ANKRD29: variants seen among roughly 807,000 people sequenced by gnomAD.
ANKRD29 encodes ankyrin repeat domain 29.
In ANKRD29, 32 loss-of-function variants were observed where a neutral mutation model predicts 38.0. The ratio of observed to expected loss-of-function variants is 0.84; its 90% CI spans 0.64 to 1.13. ANKRD29 has a LOEUF of 1.13. Ranked by LOEUF, ANKRD29 falls within the 50% of genes most tolerant of loss-of-function variation. ANKRD29 has a pLI of 0.00. For synonymous variants in ANKRD29, 135 were observed against 152.4 expected, an observed-to-expected ratio of 0.89 and a Z score of 0.84; for missense variants, 357 against 377.9, an observed-to-expected ratio of 0.94 and a Z score of 0.46.
intron 9 of ANKRD29, 133 bp downstream of exon 9, chr18:23,611,959 A>C (rs1021596557): frequency 2.7e-6 from 2 of 727,848 alleles, no homozygotes; most frequent in African/African-American, 3.5e-5. Context: ...ATCACCTACT[A>C]ACAGCAACCT....
At chr18:23,644,171 A>C (rs1230888029) in intron 3 of ANKRD29, among the ~76,000 whole-genome samples, 1 of 152,264 alleles carries the variant, frequency 6.6e-6, no homozygotes, top group Non-Finnish European at 1.5e-5. Context: ...AATTGGAACC[A>C]AATGGATAAA....
At chr18:23,634,276 CTGTTTTTTTTTT>C (rs1555656457) in intron 4 of ANKRD29, 127 bp from the exon 5 acceptor site, 13 of 447,510 alleles carry the variant, frequency 2.9e-5, no homozygotes, top group Non-Finnish European at 4.0e-5. Context: ...CTCACTTTCC[CTGTTTTTTTTTT>C]TTTTTTTTTT....
intron 9 of ANKRD29, among the ~76,000 whole-genome samples, chr18:23,604,582 C>G (rs990805665): frequency 6.6e-6 from 1 of 151,940 alleles, no homozygotes; most frequent in African/African-American, 2.4e-5. Context: ...CCATGCTGGA[C>G]TGCAGTGGCG....
intron 5 of ANKRD29, among the ~76,000 whole-genome samples, chr18:23,632,269 T>A (rs1005504955): frequency 6.6e-6 from 1 of 152,088 alleles, no homozygotes; most frequent in Admixed American, 6.6e-5. Flanking sequence ...CTCTCAGGAA[T>A]TTTCCAAGAT....
At chr18:23,647,915 C>T (rs1162366488) in intron 2 of ANKRD29, 1 of 152,234 alleles carries the variant, frequency 6.6e-6, no homozygotes, top group African/African-American at 2.4e-5. Flanking sequence ...AATAAAGAGA[C>T]TATTAAGCTG....
intron 2 of ANKRD29, 38 bp downstream of exon 2, chr18:23,649,045 T>C: frequency 1.3e-6 from 2 of 1,538,088 alleles, no homozygotes; most frequent in Non-Finnish European, 1.8e-6. Context: ...CAGAGGGCAA[T>C]GGTGCATGCT....
intron 2 of ANKRD29, chr18:23,647,149 A>G (rs2060150225): frequency 6.6e-6 from 1 of 152,162 alleles, no homozygotes; most frequent in African/African-American, 2.4e-5. Context: ...ATTTTCATCT[A>G]CGGGATTTTG....
chr18:23,612,623 C>CAACTGTTTAGCAGAG (rs1191515645), intron 8 of ANKRD29, among the ~76,000 whole-genome samples: 1 of 152,174 alleles, frequency 6.6e-6, no homozygotes, highest in Non-Finnish European at 1.5e-5. Context: ...ACGGGCTGAC[C>CAACTGTTTAGCAGAG]TGTCAGACCA....
chr18:23,617,754 G>A lies in ANKRD29; in HGVS notation c.701C>T (p.Ser234Leu), dbSNP rs565335697. Residue 234 changes from serine (S) to leucine (L), a missense_variant, in exon 8 of 10, where the codon TCA (serine) becomes TTA (leucine). Physicochemically the swap from Ser to Leu is moderately radical, Grantham distance 145. Coordinates refer to ENST00000592179, the MANE Select transcript of ANKRD29 (RefSeq NM_173505.4). ...TACCTTCAAAATACCAAGAGTGGGT[G>A]AGAATTTAAGCAACTCTTTTATGAC... ...NDVIKELLKF[S>L]PTLGILKNGT... The A allele has an allele frequency of 3.1e-6, 5 of 1,613,762 alleles. No individual in the cohort carries two copies. Among genetic ancestry groups the A allele is most frequent in the Non-Finnish European group, 4.2e-6 (5 of 1,179,840 alleles).
Position 23,638,930 on chromosome 18 carries a change from TA to T in ANKRD29, c.248del (p.Leu83HisfsTer13). On this transcript the variant is annotated frameshift_variant, in exon 4 of 10. Coordinates refer to ENST00000592179, the MANE Select transcript of ANKRD29 (RefSeq NM_173505.4). LOFTEE classifies it high-confidence loss of function. The stretch of plus-strand genomic sequence containing the variant: ...TATGGCCTTGCTGGGCGGCAAAGAA[TA>T]GGGCAGTTGTACCTGACTGGGAGAG... ...NLQRESGTTALFFAAQQGHND... is the reference protein window; with the variant it reads ...NLQRESGTTAXFFAAQQGHND... 5 of 1,612,320 alleles carry T rather than the reference TA, an allele frequency of 3.1e-6. No individual in the cohort carries two copies. The highest frequency in any genetic ancestry group is 4.2e-6 in the Non-Finnish European group (5 of 1,179,574).
intron 9 of ANKRD29, among the ~76,000 whole-genome samples, chr18:23,606,777 T>C (rs2059579907): frequency 6.6e-6 from 1 of 152,156 alleles, no homozygotes; most frequent in Non-Finnish European, 1.5e-5. Context: ...GGCAGGAGTA[T>C]CACTTAAGCA....
intron 1 of ANKRD29, among the ~76,000 whole-genome samples, chr18:23,656,219 G>T (rs2145739788): frequency 6.6e-6 from 1 of 152,096 alleles, no homozygotes; most frequent in African/African-American, 2.4e-5. Flanking sequence ...AGAAGTCACT[G>T]ATAACAGCTT....
At chr18:23,656,006 T>C (rs62093304) in intron 1 of ANKRD29, among the ~76,000 whole-genome samples, 70,492 of 142,980 alleles carry the variant, frequency 0.49, 20,583 homozygotes, top group Middle Eastern at 0.66. Context: ...GGCAGGAGAA[T>C]GGCGTGAACC....
At chr18:23,613,840 C>T (rs1415251564) in intron 8 of ANKRD29, among the ~76,000 whole-genome samples, 2 of 151,978 alleles carry the variant, frequency 1.3e-5, no homozygotes, top group African/African-American at 2.4e-5. Context: ...CCTCGTGATC[C>T]TCCTGCCTTG....
rs74811591 is a variant in ANKRD29 at position 23,615,497 on chromosome 18, T to C, written c.723+2235A>G. ...TGCAGTGGCTCGATCACAGCTTCAT[T>C]TCCCAGGCTCAAGCCATCCTCCCAC... is the stretch of plus-strand genomic sequence containing the variant. On this transcript the variant is annotated intron_variant, in intron 8 of 9. Transcript: ENST00000592179. Among the ~76,000 whole-genome samples the C allele has an allele frequency of 3.7e-3, 562 of 151,850 alleles. 5 individuals carry two copies. Among genetic ancestry groups the C allele is most frequent in the African/African-American group, 0.013 (537 of 41,402 alleles).
At chr18:23,606,146 G>C (rs1476085232) in intron 9 of ANKRD29, among the ~76,000 whole-genome samples, 1 of 152,152 alleles carries the variant, frequency 6.6e-6, no homozygotes, top group African/African-American at 2.4e-5. Flanking sequence ...TTTTCTCTCT[G>C]TTGCTAAGGC....
intron 9 of ANKRD29, among the ~76,000 whole-genome samples, chr18:23,602,882 A>G (rs1411202428): frequency 1.3e-5 from 2 of 152,230 alleles, no homozygotes; most frequent in African/African-American, 4.8e-5. Flanking sequence ...GAAAAATTAA[A>G]TTTTCAAAAA....
intron 5 of ANKRD29, among the ~76,000 whole-genome samples, chr18:23,631,371 G>A (rs2059930456): frequency 6.6e-6 from 1 of 150,378 alleles, no homozygotes; most frequent in Non-Finnish European, 1.5e-5. Context: ...CTCCTGAGTT[G>A]TTGGGACTAC....
At chr18:23,631,763 G>A (rs1331757370) in intron 5 of ANKRD29, among the ~76,000 whole-genome samples, 3 of 152,168 alleles carry the variant, frequency 2.0e-5, no homozygotes, top group Admixed American at 2.0e-4. Context: ...CGTCTTAACT[G>A]AGTATCTATG....
Sources: gnomAD v4.1 joint callset for allele counts (sites outside exome capture counted in the v4.1 genomes callset) on GRCh38, gnomAD v4.1.1 for gene constraint, MANE v1.5 for transcripts, NCBI Gene and HGNC (gene_info 2026-07-23, HGNC 2026-07-21) for gene names.